Variants in ANKFN1 observed in about 807,000 individuals in gnomAD.
ANKFN1 encodes ankyrin repeat and fibronectin type III domain containing 1.
In ANKFN1, 74 loss-of-function variants were observed where a neutral mutation model predicts 108.7. The observed-to-expected ratio is 0.68, with a 90% CI of 0.56 to 0.83. The LOEUF (loss-of-function observed/expected upper bound fraction) is 0.83, where lower values mean the gene tolerates loss of function less well. Ranked by LOEUF, ANKFN1 falls within the 40% of genes least tolerant of loss-of-function variation. The pLI, the probability that ANKFN1 is intolerant of heterozygous loss-of-function variation, is 0.00. For synonymous variants in ANKFN1, 547 were observed against 516.2 expected (o/e 1.06, Z -0.81); for missense variants, 1,505 against 1,382.3 (o/e 1.09, Z -1.41).
At chr17:56,486,054 G>C (rs909698044) in intron 18 of ANKFN1, among the ~76,000 whole-genome samples, 6 of 152,192 alleles carry the variant, frequency 3.9e-5, no homozygotes, top group African/African-American at 1.4e-4. Context: ...ATTCAACTGT[G>C]CCTGTCCTTT....
chr17:56,054,391 T>C (rs763933086), intron 4 of ANKFN1, among the ~76,000 whole-genome samples: 7 of 152,220 alleles, frequency 4.6e-5, no homozygotes, highest in Non-Finnish European at 7.3e-5. Context: ...TCCTGGGTCG[T>C]AGAGCTAGTG....
intron 4 of ANKFN1, among the ~76,000 whole-genome samples, chr17:56,102,316 A>G (rs1905663332): frequency 6.6e-6 from 1 of 152,224 alleles, no homozygotes; most frequent in Non-Finnish European, 1.5e-5. Flanking sequence ...ATACTTGTAT[A>G]ATTGTCTATA....
At chr17:56,193,595 G>GAATCTAGAC (rs1303658486) in intron 1 of ANKFN1, among the ~76,000 whole-genome samples, 8 of 135,624 alleles carry the variant, frequency 5.9e-5, no homozygotes, top group Non-Finnish European at 9.6e-5. Context: ...AAAAAAAAAA[G>GAATCTAGAC]AATCTAGACA....
chr17:56,490,240 G>T (rs1242327330), intron 18 of ANKFN1, among the ~76,000 whole-genome samples: 1 of 152,202 alleles, frequency 6.6e-6, no homozygotes, highest in African/African-American at 2.4e-5. Context: ...AGAAACAAAT[G>T]CTCTAGGAGC....
chr17:56,404,957 A>G (rs959885192), intron 8 of ANKFN1, among the ~76,000 whole-genome samples: 1 of 152,170 alleles, frequency 6.6e-6, no homozygotes, highest in Non-Finnish European at 1.5e-5. Flanking sequence ...CAGAGAGTCT[A>G]CCTAGCTCCA....
intron 3 of ANKFN1, among the ~76,000 whole-genome samples, chr17:56,281,411 G>A (rs1387517083): frequency 6.6e-6 from 1 of 151,982 alleles, no homozygotes; most frequent in Non-Finnish European, 1.5e-5. Flanking sequence ...ATTTTATATG[G>A]ATCACAGACC....
intron 1 of ANKFN1, among the ~76,000 whole-genome samples, chr17:56,194,686 C>A (rs1323914504): frequency 3.9e-5 from 6 of 152,116 alleles, no homozygotes. Flanking sequence ...ATACATGTGT[C>A]TTAAACCCAC....
chr17:56,081,244 G>A (rs1312520472), intron 4 of ANKFN1, among the ~76,000 whole-genome samples: 1 of 152,214 alleles, frequency 6.6e-6, no homozygotes, highest in Non-Finnish European at 1.5e-5. Flanking sequence ...GAGCAGGAAT[G>A]AAAGGAAGGA....
At chr17:56,448,937 C>A in intron 10 of ANKFN1, 142 bp from the exon 11 acceptor site, 1 of 613,396 alleles carries the variant, frequency 1.6e-6, no homozygotes. Context: ...TCCTTGGCAT[C>A]GCCTGCTTGC....
chr17:56,103,319 A>G (rs1367678016), intron 4 of ANKFN1, among the ~76,000 whole-genome samples: 2 of 152,244 alleles, frequency 1.3e-5, no homozygotes, highest in Non-Finnish European at 2.9e-5. Flanking sequence ...AAGGCGCAGG[A>G]TGGAAGGCAC....
intron 6 of ANKFN1, among the ~76,000 whole-genome samples, chr17:56,358,804 C>G (rs1448995849): frequency 6.6e-6 from 1 of 152,098 alleles, no homozygotes; most frequent in African/African-American, 2.4e-5. Flanking sequence ...GGATCCCAGT[C>G]GCTATGACTC....
intron 4 of ANKFN1, among the ~76,000 whole-genome samples, chr17:56,081,775 C>T (rs908159492): frequency 1.1e-4 from 17 of 152,134 alleles, no homozygotes; most frequent in Admixed American, 2.0e-4. Flanking sequence ...GGTAAGCAAG[C>T]ACAGTGCGTT....
chr17:56,462,767 CA>C (rs1279408212), intron 14 of ANKFN1, among the ~76,000 whole-genome samples: 1 of 152,152 alleles, frequency 6.6e-6, no homozygotes, highest in Non-Finnish European at 1.5e-5. Flanking sequence ...CCAATTTGGT[CA>C]AAAGCCTCCA....
At chr17:56,352,903 G>A (rs989976709) in intron 5 of ANKFN1, among the ~76,000 whole-genome samples, 1 of 152,146 alleles carries the variant, frequency 6.6e-6, no homozygotes, top group Admixed American at 6.5e-5. Flanking sequence ...CAGCAGACAG[G>A]TCATTGCCAT....
chr17:56,250,916 T>C (rs1330608688), intron 3 of ANKFN1, among the ~76,000 whole-genome samples: 2 of 152,236 alleles, frequency 1.3e-5, no homozygotes, highest in Non-Finnish European at 2.9e-5. Flanking sequence ...AAGTTGAAAC[T>C]GCTTACCACA....
At chr17:56,065,786 T>G (rs1051849982) in intron 4 of ANKFN1, among the ~76,000 whole-genome samples, 3 of 151,902 alleles carry the variant, frequency 2.0e-5, no homozygotes, top group Non-Finnish European at 2.9e-5. Context: ...GATCACTGAT[T>G]GTAGGTCACC....
Position 56,515,109 on chromosome 17 carries a change from G to C in ANKFN1, c.*3840G>C, listed in dbSNP as rs754640116. Among the ~76,000 whole-genome samples, 8 of 151,964 alleles carry C rather than the reference G, an allele frequency of 5.3e-5. No homozygotes were observed. The highest frequency in any genetic ancestry group is 1.2e-4 in the Non-Finnish European group (8 of 67,994). On this transcript the variant is annotated 3_prime_UTR_variant, in exon 21 of 21. Transcript: ENST00000682825. The stretch of plus-strand genomic sequence containing the variant: ...CTCCAAGAGAAGGTATGTCTGCAAC[G>C]CATTTAAGTTGCCTAGTTATGTCAA...
intron 6 of ANKFN1, among the ~76,000 whole-genome samples, chr17:56,354,895 G>T (rs886140547): frequency 1.3e-5 from 2 of 152,136 alleles, no homozygotes; most frequent in South Asian, 2.1e-4. Flanking sequence ...AATAAACATG[G>T]GGAAGCATAT....
At chr17:56,219,098 T>C (rs915380287) in intron 2 of ANKFN1, among the ~76,000 whole-genome samples, 3 of 152,162 alleles carry the variant, frequency 2.0e-5, no homozygotes, top group Non-Finnish European at 2.9e-5. Flanking sequence ...TTATCAGCAT[T>C]ATACATCCAA....
Sources: allele counts gnomAD v4.1 joint callset (sites outside exome capture counted in the v4.1 genomes callset), GRCh38; gene constraint gnomAD v4.1.1; transcripts MANE v1.5; gene names NCBI Gene and HGNC (gene_info 2026-07-23, HGNC 2026-07-21).